The following MYO10 variants were observed in gnomAD, a reference collection of about 807,000 sequenced individuals.
MYO10 encodes the protein unconventional myosin-X.
A neutral mutation model predicts 257.3 loss-of-function variants in MYO10; 133 were observed. The observed-to-expected ratio is 0.52, with a 90% confidence interval of 0.45 to 0.60. The LOEUF is 0.60. Ranked by LOEUF, MYO10 falls within the 20% of genes least tolerant of loss-of-function variation. The pLI is 0.00. For missense variants in MYO10, 2,399 were observed against 2,635.7 expected, an observed-to-expected ratio of 0.91 and a Z score of 1.97; for synonymous variants, 1,104 against 1,028.6, an observed-to-expected ratio of 1.07 and a Z score of -1.40.
chr5:16,869,191 A>ATTTTTTTTTTT (rs70943814), intron 2 of MYO10, among the ~76,000 whole-genome samples: 29 of 115,852 alleles, frequency 2.5e-4, no homozygotes, highest in African/African-American at 7.0e-4. Context: ...CACCCGGCTA[A>ATTTTTTTTTTT]TTTTTTTTTT....
chr5:16,674,977 T>A lies in MYO10; in HGVS notation c.4840A>T (p.Thr1614Ser). 6.2e-7 allele frequency: 1 copy of A among 1,613,964 alleles called. No homozygotes were observed. The highest frequency in any genetic ancestry group is 8.5e-7 in the Non-Finnish European group (1 of 1,179,886). ...CTGCCGGGGTGGGGCACTTTGTTGG[T>A]CTGTTTGATAAGCTGGCAGTACAGC... ...DELYCQLIKQ[T>S]NKVPHPGSVG... The change falls in exon 35 of 41, where the codon ACC becomes TCC. Residue 1614 changes from threonine to serine, a missense_variant. Physicochemically the swap from Thr to Ser is moderately conservative, Grantham distance 58. This residue lies in a region of MYO10 where 1,820 missense variants were observed against 1,939.4 expected (regional missense o/e 0.94). Transcript: ENST00000513610.
intron 19 of MYO10, among the ~76,000 whole-genome samples, chr5:16,723,244 T>C (rs1217564315): frequency 1.3e-5 from 2 of 150,638 alleles, no homozygotes; most frequent in African/African-American, 5.0e-5. Context: ...AAAAATTAGC[T>C]GGGCGTGGTG....
In MYO10 at chr5:16,877,604, C is replaced by T; in HGVS notation, c.120+5G>A. 1 of 1,609,822 alleles carries T rather than the reference C, an allele frequency of 6.2e-7. No individual in the cohort carries two copies. The highest frequency in any genetic ancestry group is 8.5e-7 in the Non-Finnish European group (1 of 1,176,410). ...TGTTGGGAAGCTGCAGGGACTTGTTCTCACCTGACCATAGTCTGTCCGGAA... is the reference window on the plus strand; with the variant it reads ...TGTTGGGAAGCTGCAGGGACTTGTTTTCACCTGACCATAGTCTGTCCGGAA... On this transcript the variant is annotated splice_donor_5th_base_variant and intron_variant, in intron 2 of 40. Coordinates refer to ENST00000513610, the MANE Select transcript of MYO10 (RefSeq NM_012334.3).
At chr5:16,860,818 G>A (rs1243972087) in intron 2 of MYO10, among the ~76,000 whole-genome samples, 3 of 151,346 alleles carry the variant, frequency 2.0e-5, no homozygotes, top group Non-Finnish European at 4.4e-5. Context: ...CGCAAGCACC[G>A]AAGACATTCT....
chr5:16,781,958 A>C, intron 5 of MYO10, 129 bp from the exon 6 acceptor site: 1 of 1,148,086 alleles, frequency 8.7e-7, no homozygotes, highest in African/African-American at 1.6e-5. Context: ...TGAGGGTGGC[A>C]ATGTTTATTT....
chr5:16,739,191 CAAAAA>C (rs1218627544), intron 19 of MYO10, among the ~76,000 whole-genome samples: 2 of 96,546 alleles, frequency 2.1e-5, no homozygotes, highest in Non-Finnish European at 2.3e-5. Flanking sequence ...AATCATGTCC[CAAAAA>C]AAAAAAAAAA....
At chr5:16,787,020 T>C (rs899740874) in intron 4 of MYO10, among the ~76,000 whole-genome samples, 1 of 152,072 alleles carries the variant, frequency 6.6e-6, no homozygotes, top group Non-Finnish European at 1.5e-5. Context: ...AATACAAAAA[T>C]TAGCCAGGCA....
At position 16,663,344 on chromosome 5, in the gene MYO10, T is replaced by TG; in HGVS notation, c.*3347_*3348insC. On this transcript the variant is annotated 3_prime_UTR_variant, in exon 41 of 41. Coordinates refer to ENST00000513610, the MANE Select transcript of MYO10 (RefSeq NM_012334.3). ...CTTCTAGTTGTTTTTTTTTTTTTTT[T>TG]TTTTTTTTTTTTTTTTTTTTTTTAC... The TG allele has an allele frequency of 1.2e-5, 1 of 82,370 alleles. No homozygotes were observed. Among genetic ancestry groups the TG allele is most frequent in the Non-Finnish European group, 2.8e-5 (1 of 35,408 alleles). The allele number at this position is 82,370 out of a possible 1,614,324, so 5.1% of individuals were successfully genotyped here.
chr5:16,684,352 C>T (rs1189833805), intron 29 of MYO10, among the ~76,000 whole-genome samples: 6 of 152,154 alleles, frequency 3.9e-5, no homozygotes, highest in Admixed American at 6.5e-5. Flanking sequence ...AAGTGATTCT[C>T]GTGCCTCAGC....
At chr5:16,766,575 A>G (rs978963041) in intron 10 of MYO10, among the ~76,000 whole-genome samples, 8 of 151,750 alleles carry the variant, frequency 5.3e-5, no homozygotes, top group East Asian at 2.0e-4. Context: ...GACTATAGGC[A>G]CCCGCTACCA....
intron 22 of MYO10, 48 bp downstream of exon 22, chr5:16,704,531 C>A: frequency 6.7e-7 from 1 of 1,488,814 alleles, no homozygotes; most frequent in Non-Finnish European, 9.3e-7. Flanking sequence ...GAAGGAAGGA[C>A]CCCCTCATGG....
chr5:16,664,756 TTCAAG>T lies in MYO10; in HGVS notation c.*1931_*1935del, dbSNP rs1736088576. The T allele has an allele frequency of 6.6e-6, 1 of 152,136 alleles. No individual in the cohort carries two copies. The highest frequency in any genetic ancestry group is 1.5e-5 in the Non-Finnish European group (1 of 68,042). 9.4% of individuals were successfully genotyped at this position (152,136 alleles called of 1,614,324 possible). On this transcript the variant is annotated 3_prime_UTR_variant, in exon 41 of 41. Transcript: ENST00000513610. ...AGGGGACTGTCTGACATAAACACATTTCAAGTCCTCAGCTGTGTGTGACTTCATTT... is the reference window on the plus strand; with the variant it reads ...AGGGGACTGTCTGACATAAACACATTTCCTCAGCTGTGTGTGACTTCATTT...
intron 3 of MYO10, among the ~76,000 whole-genome samples, chr5:16,811,189 G>T (rs1742429820): frequency 6.6e-6 from 1 of 152,012 alleles, no homozygotes; most frequent in Admixed American, 6.5e-5. Flanking sequence ...TGGCACCACT[G>T]ACATCTTAGG....
At position 16,670,946 on chromosome 5, in the gene MYO10, T is replaced by G. The variant is rs1318715124; in HGVS notation, c.5463A>C (p.Pro1821=). The G allele has an allele frequency of 6.2e-7, 1 of 1,612,294 alleles. No homozygotes were observed. Among genetic ancestry groups the G allele is most frequent in the East Asian group, 2.2e-5 (1 of 44,862 alleles). ...AHEAVIHGHH[P]APEENLQVLA... ...GAACCTGGAGGTTTTCTTCCGGGGC[T>G]GGATGGTGGCCATGGATAACCGCTT... Residue 1821 remains proline, a synonymous_variant, in exon 39 of 41, where the codon CCA becomes CCC. Coordinates refer to ENST00000513610, the MANE Select transcript of MYO10 (RefSeq NM_012334.3).
intron 21 of MYO10, among the ~76,000 whole-genome samples, chr5:16,706,076 G>A (rs997862912): frequency 1.3e-5 from 2 of 151,994 alleles, no homozygotes; most frequent in Admixed American, 6.6e-5. Context: ...CCAGATACTT[G>A]GGAGGCTGAG....
At chr5:16,829,735 A>T (rs979895481) in intron 2 of MYO10, among the ~76,000 whole-genome samples, 1 of 152,078 alleles carries the variant, frequency 6.6e-6, no homozygotes, top group Non-Finnish European at 1.5e-5. Context: ...GCCACACAAC[A>T]AGCAGTGCAG....
At chr5:16,682,861 GAAAACCCTGAATGAGGATGC>G (rs1737071407) in intron 30 of MYO10, among the ~76,000 whole-genome samples, 1 of 152,126 alleles carries the variant, frequency 6.6e-6, no homozygotes, top group Non-Finnish European at 1.5e-5. Context: ...GAGGAAGAGA[GAAAACCCTGAATGAGGATGC>G]AAAATTCTAA....
rs539810260 is a variant in MYO10, at chr5:16,670,416, G to T, written c.5883+110C>A. ...TCTGGGGGCTCGAATAAAAGAGGTTGAGAGAGCAAAATGCTCCATCTTGTC... is the reference window on the plus strand; with the variant it reads ...TCTGGGGGCTCGAATAAAAGAGGTTTAGAGAGCAAAATGCTCCATCTTGTC... On this transcript the variant is annotated intron_variant, in intron 39 of 40. Transcript: ENST00000513610. 1.0e-5 allele frequency: 10 copies of T among 975,748 alleles called. No homozygotes were observed. The African/African-American group carries it at 1.2e-4, about 11-fold the overall frequency. 60.4% of individuals were successfully genotyped at this position (975,748 alleles called of 1,614,324 possible).
intron 33 of MYO10, among the ~76,000 whole-genome samples, chr5:16,679,529 T>G (rs1234170804): frequency 3.3e-5 from 5 of 149,650 alleles, no homozygotes; most frequent in African/African-American, 7.4e-5. Context: ...TGGGTGTTTT[T>G]TTTTTTTTTT....
Sources: allele counts gnomAD v4.1 joint callset (sites outside exome capture counted in the v4.1 genomes callset), GRCh38; gene constraint gnomAD v4.1.1; regional missense constraint gnomAD v4.1.1; transcripts MANE v1.5; gene names NCBI Gene and HGNC (gene_info 2026-07-23, HGNC 2026-07-21).